The following MYO1E variants were observed in gnomAD, a reference collection of about 807,000 sequenced individuals.
MYO1E encodes the protein myosin IE.
MYO1E carries 68 observed loss-of-function variants against 151.1 expected under a neutral mutation model. The ratio of observed to expected loss-of-function variants is 0.45; its 90% CI spans 0.37 to 0.55. The LOEUF (loss-of-function observed/expected upper bound fraction) is 0.55. MYO1E is among the 20% of genes least tolerant of loss of function. MYO1E has a pLI of 0.00. For synonymous variants in MYO1E, 601 were observed against 501.7 expected, an observed-to-expected ratio of 1.20 and a Z score of -2.64; for missense variants, 1,363 against 1,389.3, an observed-to-expected ratio of 0.98 and a Z score of 0.30.
intron 1 of MYO1E, among the ~76,000 whole-genome samples, chr15:59,277,523 A>G (rs180710769): frequency 4.8e-5 from 7 of 145,166 alleles, no homozygotes; most frequent in African/African-American, 1.8e-4. Flanking sequence ...CCAGCCTGGC[A>G]ACAGAGCAAG....
chr15:59,308,556 C>A (rs763906818), intron 1 of MYO1E, among the ~76,000 whole-genome samples: 1 of 151,936 alleles, frequency 6.6e-6, no homozygotes, highest in African/African-American at 2.4e-5. Flanking sequence ...CCTGTAATCC[C>A]AGCTACATGG....
At position 59,173,887 on chromosome 15, in the gene MYO1E, C is replaced by G. The variant is rs375940461; in HGVS notation, c.2193G>C (p.Glu731Asp). 5.0e-6 allele frequency: 8 copies of G among 1,614,044 alleles called. No individual in the cohort carries two copies. The highest frequency in any genetic ancestry group is 6.8e-6 in the Non-Finnish European group (8 of 1,180,036). Residue 731 changes from glutamate (E) to aspartate (D), a missense_variant, in exon 21 of 28, where the codon GAG (glutamate) becomes GAC (aspartate). Transcript: ENST00000288235. ...TCCTGTTAATACTGTTTCTCCTTCTCTCCTTCTTGTTCAATAAGAGGTCTG... is the reference window on the plus strand; with the variant it reads ...TCCTGTTAATACTGTTTCTCCTTCTGTCCTTCTTGTTCAATAAGAGGTCTG... ...EASDLLLNKK[E>D]RRRNSINRNF...
chr15:59,169,069 G>C (rs1365673249), intron 22 of MYO1E, among the ~76,000 whole-genome samples: 1 of 152,148 alleles, frequency 6.6e-6, no homozygotes, highest in Non-Finnish European at 1.5e-5. Flanking sequence ...ATGTTGTCTT[G>C]TAACTGTTAC....
At chr15:59,256,014 A>G (rs1348840849) in intron 4 of MYO1E, among the ~76,000 whole-genome samples, 1 of 152,274 alleles carries the variant, frequency 6.6e-6, no homozygotes, top group Non-Finnish European at 1.5e-5. Flanking sequence ...AGGGACCTAC[A>G]GAAAAGGAAT....
At chr15:59,324,665 C>CCA (rs1210797569) in intron 1 of MYO1E, among the ~76,000 whole-genome samples, 1 of 6,254 alleles carries the variant, frequency 1.6e-4, no homozygotes, top group Non-Finnish European at 1.2e-3. Context: ...CATCCCAAGC[C>CCA]CCCCCCCCAC....
At chr15:59,161,768 G>T (rs1221078831) in intron 23 of MYO1E, among the ~76,000 whole-genome samples, 1 of 152,106 alleles carries the variant, frequency 6.6e-6, no homozygotes, top group Non-Finnish European at 1.5e-5. Context: ...CAAATAGAAG[G>T]CAGGATTTAC....
At chr15:59,160,130 C>T (rs1343144317) in intron 24 of MYO1E, among the ~76,000 whole-genome samples, 1 of 152,122 alleles carries the variant, frequency 6.6e-6, no homozygotes, top group African/African-American at 2.4e-5. Flanking sequence ...GCCACCGTGC[C>T]TGGCCTAGAA....
chr15:59,149,047 T>G (rs4775118), intron 26 of MYO1E, among the ~76,000 whole-genome samples: 53,197 of 121,476 alleles, frequency 0.44, 9,902 homozygotes, highest in Admixed American at 0.52. Context: ...TGTTTTTTTT[T>G]TTTTGTTTTT....
chr15:59,371,869 C>G (rs1191397001), intron 1 of MYO1E, among the ~76,000 whole-genome samples: 9 of 151,536 alleles, frequency 5.9e-5, no homozygotes, highest in Non-Finnish European at 5.9e-5. Context: ...TGGCTCTTGA[C>G]AGCCCGCCGG....
intron 2 of MYO1E, among the ~76,000 whole-genome samples, chr15:59,265,833 G>A (rs1418390978): frequency 6.6e-6 from 1 of 150,672 alleles, no homozygotes; most frequent in Non-Finnish European, 1.5e-5. Flanking sequence ...CAGGCATGGT[G>A]GTCTTCACAT....
At position 59,372,705 on chromosome 15, in the gene MYO1E, C is replaced by A. The variant is rs1248970355; in HGVS notation, c.-205G>T. Reference sequence around the variant, plus strand: ...GCGGTGCTAGGTGAGGGCGAGACGGCGGCGACTTAGCAGGCGGGGCGCATG... The same window carrying A: ...GCGGTGCTAGGTGAGGGCGAGACGGAGGCGACTTAGCAGGCGGGGCGCATG... On this transcript the variant is annotated 5_prime_UTR_variant, in exon 1 of 28. Coordinates refer to ENST00000288235, the MANE Select transcript of MYO1E (RefSeq NM_004998.4). The A allele has an allele frequency of 3.3e-6, 2 of 610,878 alleles. No homozygotes were observed. Among genetic ancestry groups the A allele is most frequent in the Non-Finnish European group, 5.5e-6 (2 of 364,618 alleles). The allele number at this position is 610,878 out of a possible 1,614,324, so 37.8% of individuals were successfully genotyped here.
At chr15:59,277,977 T>A (rs1173095513) in intron 1 of MYO1E, among the ~76,000 whole-genome samples, 1 of 152,162 alleles carries the variant, frequency 6.6e-6, no homozygotes, top group Non-Finnish European at 1.5e-5. Flanking sequence ...TTCTGTACAG[T>A]TTACATTTTT....
chr15:59,302,432 T>G (rs2080488539), intron 1 of MYO1E, among the ~76,000 whole-genome samples: 1 of 152,172 alleles, frequency 6.6e-6, no homozygotes, highest in African/African-American at 2.4e-5. Context: ...TCAGAACACC[T>G]TAGCTGGGTG....
At chr15:59,267,261 A>G (rs142767842) in intron 2 of MYO1E, among the ~76,000 whole-genome samples, 22,098 of 150,778 alleles carry the variant, frequency 0.15, 2,259 homozygotes, top group East Asian at 0.41. Context: ...TCCTGACCTC[A>G]TGATCCACCT....
chr15:59,246,866 T>A (rs1168263085), intron 4 of MYO1E, among the ~76,000 whole-genome samples: 1 of 152,128 alleles, frequency 6.6e-6, no homozygotes, highest in African/African-American at 2.4e-5. Flanking sequence ...AATAAGGTCA[T>A]GTTCTTCTGT....
At chr15:59,245,480 C>A (rs1209646687) in intron 4 of MYO1E, among the ~76,000 whole-genome samples, 2 of 152,144 alleles carry the variant, frequency 1.3e-5, no homozygotes, top group African/African-American at 4.8e-5. Flanking sequence ...AAATATCTCT[C>A]GCCTCTATTT....
At chr15:59,199,229 T>C (rs1423069552) in intron 16 of MYO1E, among the ~76,000 whole-genome samples, 1 of 152,162 alleles carries the variant, frequency 6.6e-6, no homozygotes, top group Non-Finnish European at 1.5e-5. Context: ...CCTGAGTAGC[T>C]GGCATTACAG....
chr15:59,236,742 A>G lies in MYO1E; in HGVS notation c.333-70T>C. On this transcript the variant is annotated intron_variant, in intron 4 of 27. Transcript: ENST00000288235. ...ACCAGCTCCCTTCCTTGTCTCCCCC[A>G]TCACACAAAACAAACAAACAAACAA... is the stretch of plus-strand genomic sequence containing the variant. 4 of 1,325,408 alleles carry G rather than the reference A, an allele frequency of 3.0e-6. No homozygotes were observed. In the South Asian group the frequency reaches 4.7e-5, roughly 16 times the overall value. The allele number at this position is 1,325,408 out of a possible 1,614,324, so 82.1% of individuals were successfully genotyped here.
chr15:59,347,567 A>T (rs1426378542), intron 1 of MYO1E, among the ~76,000 whole-genome samples: 1 of 152,248 alleles, frequency 6.6e-6, no homozygotes, highest in Non-Finnish European at 1.5e-5. Flanking sequence ...GTCTTGCCAA[A>T]AATAAAAATT....
Sources: allele counts gnomAD v4.1 joint callset (sites outside exome capture counted in the v4.1 genomes callset), GRCh38; gene constraint gnomAD v4.1.1; transcripts MANE v1.5; gene names NCBI Gene and HGNC (gene_info 2026-07-23, HGNC 2026-07-21).